HSD11B1: variants seen among roughly 807,000 people sequenced by gnomAD.
HSD11B1 encodes the protein hydroxysteroid 11-beta dehydrogenase 1, also known as 11-beta-hydroxysteroid dehydrogenase 1.
HSD11B1 carries 15 observed loss-of-function variants against 22.1 expected under a neutral mutation model. The ratio of observed to expected loss-of-function variants is 0.68; its 90% CI spans 0.45 to 1.04. The LOEUF (loss-of-function observed/expected upper bound fraction) is 1.04. HSD11B1 is among the 50% of genes least tolerant of loss of function. The pLI, the probability that HSD11B1 is intolerant of heterozygous loss-of-function variation, is 0.00. For missense variants in HSD11B1, 281 were observed against 357.6 expected, an observed-to-expected ratio of 0.79 and a Z score of 1.73; for synonymous variants, 122 against 125.2, an observed-to-expected ratio of 0.97 and a Z score of 0.17.
intron 1 of HSD11B1, among the ~76,000 whole-genome samples, chr1:209,689,862 C>T (rs937694310): frequency 2.0e-5 from 3 of 152,216 alleles, no homozygotes; most frequent in South Asian, 2.1e-4. Context: ...ACTAAGACAC[C>T]GGGCATGGGA....
intron 1 of HSD11B1, among the ~76,000 whole-genome samples, chr1:209,687,476 A>G (rs1413732234): frequency 1.3e-5 from 2 of 152,220 alleles, no homozygotes; most frequent in African/African-American, 4.8e-5. Flanking sequence ...TCTTTATACT[A>G]ATTTGAGTAC....
At chr1:209,702,713 G>T (rs1039366711), upstream of HSD11B1, among the ~76,000 whole-genome samples, 5 of 152,142 alleles carry the variant, frequency 3.3e-5, no homozygotes, top group African/African-American at 4.8e-5. Flanking sequence ...AATTGCAATA[G>T]CAATATCAAT....
chr1:209,727,507 G>A (rs112522565), intron 4 of HSD11B1, among the ~76,000 whole-genome samples: 70 of 152,208 alleles, frequency 4.6e-4, no homozygotes, highest in African/African-American at 1.5e-3. Flanking sequence ...TTTTGGACTC[G>A]ACTATCAAAA....
In HSD11B1 at chr1:209,734,149, C is replaced by T. The variant is rs535670926; in HGVS notation, c.662-155C>T. Among the ~76,000 whole-genome samples the T allele has an allele frequency of 2.6e-5, 4 of 152,288 alleles. 1 individual carries two copies. Among genetic ancestry groups the T allele is most frequent in the African/African-American group, 9.6e-5 (4 of 41,564 alleles). On this transcript the variant is annotated intron_variant, in intron 5 of 5. Coordinates refer to ENST00000367027, the MANE Select transcript of HSD11B1 (RefSeq NM_005525.4). ...TCTTTGCCCAACAGACTCTAACATA[C>T]CCAGTCTCTCCATGTATTCCCTATA... is the stretch of plus-strand genomic sequence containing the variant.
intron 4 of HSD11B1, among the ~76,000 whole-genome samples, chr1:209,714,032 T>C (rs956946543): frequency 2.6e-5 from 4 of 152,194 alleles, no homozygotes; most frequent in Non-Finnish European, 4.4e-5. Flanking sequence ...TACTCATTCA[T>C]TCATTCATTC....
At chr1:209,710,236 T>A (rs2076886733) in intron 4 of HSD11B1, among the ~76,000 whole-genome samples, 1 of 152,224 alleles carries the variant, frequency 6.6e-6, no homozygotes. Flanking sequence ...GGTTCAATAT[T>A]AGAAAAGTAA....
chr1:209,697,850 A>G lies in HSD11B1; in HGVS notation c.-48-7045A>G, dbSNP rs1177972900. ...TCACCCAGTTAAATCCAAATTTCAGATAAACAATGAATGATTAATGGTTTT... is the reference window on the plus strand; with the variant it reads ...TCACCCAGTTAAATCCAAATTTCAGGTAAACAATGAATGATTAATGGTTTT... On this transcript the variant is annotated intron_variant, in intron 1 of 6. Transcript: ENST00000261465. Among the ~76,000 whole-genome samples, 5 of 139,330 alleles carry G rather than the reference A, an allele frequency of 3.6e-5. No homozygotes were observed. In the South Asian group the frequency reaches 1.2e-3, roughly 33 times the overall value. 91.4% of individuals were successfully genotyped at this position (139,330 alleles called of 152,430 possible).
chr1:209,708,525 C>T (rs1239578074), intron 4 of HSD11B1, among the ~76,000 whole-genome samples: 1 of 152,158 alleles, frequency 6.6e-6, no homozygotes, highest in African/African-American at 2.4e-5. Context: ...CCTCCCCAGA[C>T]ACAGACTCTC....
intron 4 of HSD11B1, among the ~76,000 whole-genome samples, chr1:209,714,499 C>G (rs919124417): frequency 2.0e-5 from 3 of 152,166 alleles, no homozygotes; most frequent in African/African-American, 7.2e-5. Context: ...GATAAAATAG[C>G]TTGCTAGTAC....
chr1:209,723,112 T>C (rs1412954107), intron 4 of HSD11B1, among the ~76,000 whole-genome samples: 1 of 152,160 alleles, frequency 6.6e-6, no homozygotes, highest in African/African-American at 2.4e-5. Context: ...CCTTCATCCT[T>C]CTAAGACTCT....
At position 209,706,723 on chromosome 1, in the gene HSD11B1, C is replaced by T. The variant is rs368758549; in HGVS notation, c.234C>T (p.Cys78=). 6 of 1,613,326 alleles carry T rather than the reference C, an allele frequency of 3.7e-6. No individual in the cohort carries two copies. The highest frequency in any genetic ancestry group is 5.1e-6 in the Non-Finnish European group (6 of 1,179,622). ...KETLQKVVSH[C]LELGAASAHY... The stretch of plus-strand genomic sequence containing the variant: ...TATCACTGCAGGTGGTATCCCACTG[C>T]CTGGAGCTTGGAGCAGCCTCAGCAC... The change falls in exon 3 of 6, where the codon TGC becomes TGT. Residue 78 remains cysteine, a synonymous_variant. Coordinates refer to ENST00000367027, the MANE Select transcript of HSD11B1 (RefSeq NM_005525.4). The surrounding 1 kb of genome is among the most constrained non-coding windows in gnomAD (Gnocchi z 4.0).
chr1:209,732,659 T>C (rs2077042922), intron 5 of HSD11B1, 80 bp downstream of exon 5: 1 of 1,181,448 alleles, frequency 8.5e-7, no homozygotes, highest in African/African-American at 1.5e-5. Context: ...GCAGGTTTGT[T>C]ACATATGTAT....
At chr1:209,730,901 T>C (rs2077031567) in intron 4 of HSD11B1, among the ~76,000 whole-genome samples, 2 of 152,132 alleles carry the variant, frequency 1.3e-5, no homozygotes, top group South Asian at 2.1e-4. Flanking sequence ...TTGAAAGCAC[T>C]GGAGATTAAC....
intron 4 of HSD11B1, among the ~76,000 whole-genome samples, chr1:209,716,547 A>G (rs138879815): frequency 1.3e-5 from 2 of 152,180 alleles, no homozygotes; most frequent in African/African-American, 4.8e-5. Context: ...AATACCAATG[A>G]CATTTTTCAT....
chr1:209,711,551 G>C (rs976763548), intron 4 of HSD11B1, among the ~76,000 whole-genome samples: 19 of 152,152 alleles, frequency 1.2e-4, no homozygotes, highest in African/African-American at 4.1e-4. Context: ...ATGAGGGATG[G>C]GGAGTGGCGA....
At chr1:209,694,051 C>A (rs1451159390) in intron 1 of HSD11B1, among the ~76,000 whole-genome samples, 1 of 152,170 alleles carries the variant, frequency 6.6e-6, no homozygotes, top group Non-Finnish European at 1.5e-5. Context: ...CCCTCCCCTT[C>A]CGCCCAACCC....
chr1:209,707,409 T>C (rs998450905), intron 4 of HSD11B1, among the ~76,000 whole-genome samples: 8 of 151,812 alleles, frequency 5.3e-5, no homozygotes, highest in African/African-American at 1.9e-4. Context: ...GGGAGAGACC[T>C]AGTTACAATA....
At position 209,706,675 on chromosome 1, in the gene HSD11B1, T is replaced by C. The variant is rs758528944; in HGVS notation, c.220-34T>C. The C allele has an allele frequency of 6.7e-7, 1 of 1,496,948 alleles. No homozygotes were observed. The highest frequency in any genetic ancestry group is 2.3e-5 in the East Asian group (1 of 44,268). The allele number at this position is 1,496,948 out of a possible 1,614,324, so 92.7% of individuals were successfully genotyped here. ...AGACTACCCCCCAAAAATCTGCAGC[T>C]AAGACTGATGCCATTTCTGCTGTAT... On this transcript the variant is annotated intron_variant, in intron 2 of 5. Transcript: ENST00000367027. This position sits in a 1 kb window ranked among gnomAD's most constrained non-coding sequence, Gnocchi z 4.0.
At chr1:209,719,547 G>A (rs115513895) in intron 4 of HSD11B1, among the ~76,000 whole-genome samples, 268 of 152,236 alleles carry the variant, frequency 1.8e-3, no homozygotes, top group African/African-American at 6.0e-3. Context: ...GAATGCCCCC[G>A]AACTGTCCGC....
Sources: gnomAD v4.1 joint callset for allele counts (sites outside exome capture counted in the v4.1 genomes callset) on GRCh38, gnomAD v4.1.1 for gene constraint, Gnocchi (gnomAD v3.1) non-coding constraint, MANE v1.5 for transcripts, NCBI Gene and HGNC (gene_info 2026-07-23, HGNC 2026-07-21) for gene names.